Variants in DSCAM observed in about 807,000 individuals in gnomAD.
DSCAM encodes DS cell adhesion molecule, also known as cell adhesion molecule DSCAM.
DSCAM carries 47 observed loss-of-function variants against 217.7 expected under a neutral mutation model. The observed-to-expected ratio is 0.22, with a 90% CI of 0.17 to 0.28. The LOEUF (loss-of-function observed/expected upper bound fraction) is 0.28, where lower values mean the gene tolerates loss of function less well. DSCAM is among the 10% of genes least tolerant of loss of function. The pLI, the probability that DSCAM is intolerant of heterozygous loss-of-function variation, is 1.00. For synonymous variants in DSCAM, 1,056 were observed against 1,015.3 expected (o/e 1.04, Z -0.76); for missense variants, 2,080 against 2,618.3 (o/e 0.79, Z 4.49).
intron 1 of DSCAM, among the ~76,000 whole-genome samples, chr21:40,825,141 G>A (rs896341977): frequency 6.6e-6 from 1 of 152,280 alleles, no homozygotes; most frequent in East Asian, 1.9e-4. Flanking sequence ...CAAATATGGA[G>A]GGAGCAACTT....
chr21:40,716,103 C>G, intron 1 of DSCAM, among the ~76,000 whole-genome samples: 1 of 152,144 alleles, frequency 6.6e-6, no homozygotes, highest in Non-Finnish European at 1.5e-5. Flanking sequence ...GGATTACTGT[C>G]ACTTCTCCTT....
At chr21:40,212,868 G>C (rs1555890068) in intron 11 of DSCAM, among the ~76,000 whole-genome samples, 1 of 152,188 alleles carries the variant, frequency 6.6e-6, no homozygotes, top group African/African-American at 2.4e-5. Context: ...GACAGAAAAG[G>C]AGAAGGCACA....
intron 1 of DSCAM, among the ~76,000 whole-genome samples, chr21:40,801,376 A>G (rs753659388): frequency 2.0e-5 from 3 of 152,230 alleles, no homozygotes; most frequent in African/African-American, 4.8e-5. Context: ...TGAAAAGTTA[A>G]TAAGTGTGTT....
chr21:40,384,810 C>T (rs920903854), intron 3 of DSCAM: 1 of 152,180 alleles, frequency 6.6e-6, no homozygotes, highest in South Asian at 2.1e-4. Flanking sequence ...CTCCCCATGT[C>T]CTTCTCTGTC....
chr21:40,501,886 G>A (rs1280514555), intron 3 of DSCAM, among the ~76,000 whole-genome samples: 2 of 152,176 alleles, frequency 1.3e-5, no homozygotes, highest in Non-Finnish European at 2.9e-5. Flanking sequence ...GAGCCACAGC[G>A]CCGGCTAATG....
intron 9 of DSCAM, among the ~76,000 whole-genome samples, chr21:40,296,731 G>A (rs61349484): frequency 6.6e-6 from 1 of 150,956 alleles, no homozygotes; most frequent in Non-Finnish European, 1.5e-5. Flanking sequence ...CTCAGGAGGC[G>A]GAGGCTGGAG....
At chr21:40,035,626 G>C (rs568931348) in intron 32 of DSCAM, among the ~76,000 whole-genome samples, 14 of 147,200 alleles carry the variant, frequency 9.5e-5, no homozygotes, top group South Asian at 2.2e-4. Context: ...AGTCAACAAG[G>C]ATACCCAGGA....
chr21:40,146,696 C>T (rs1219369497), intron 16 of DSCAM, among the ~76,000 whole-genome samples: 5 of 152,134 alleles, frequency 3.3e-5, no homozygotes, highest in African/African-American at 9.7e-5. Context: ...GAAACAGTCG[C>T]GTAAACCATT....
At chr21:40,364,941 A>T (rs1397656792) in intron 4 of DSCAM, among the ~76,000 whole-genome samples, 5 of 150,360 alleles carry the variant, frequency 3.3e-5, no homozygotes, top group Non-Finnish European at 5.9e-5. Flanking sequence ...AGAATTATAA[A>T]AGAATTTCAT....
At chr21:40,523,236 G>A (rs193290795) in intron 3 of DSCAM, among the ~76,000 whole-genome samples, 5 of 152,236 alleles carry the variant, frequency 3.3e-5, no homozygotes, top group Admixed American at 1.3e-4. Context: ...CTGTGCCCAC[G>A]GACCTAGGTG....
intron 3 of DSCAM, among the ~76,000 whole-genome samples, chr21:40,546,535 G>A (rs544507564): frequency 8.5e-5 from 13 of 152,184 alleles, no homozygotes; most frequent in Non-Finnish European, 1.3e-4. Flanking sequence ...CAATACCTAT[G>A]CCACCAGCTA....
At chr21:40,683,256 A>C (rs2090434674) in intron 3 of DSCAM, among the ~76,000 whole-genome samples, 1 of 152,188 alleles carries the variant, frequency 6.6e-6, no homozygotes, top group Non-Finnish European at 1.5e-5. Flanking sequence ...TCAGAGAGAA[A>C]CTGGACCAGG....
At chr21:40,676,367 A>G (rs938248039) in intron 3 of DSCAM, among the ~76,000 whole-genome samples, 2 of 152,192 alleles carry the variant, frequency 1.3e-5, no homozygotes, top group Non-Finnish European at 2.9e-5. Context: ...GAGGTTCTGC[A>G]TGTTTTGCAT....
At chr21:40,377,317 C>T (rs557526763) in intron 3 of DSCAM, among the ~76,000 whole-genome samples, 7 of 152,238 alleles carry the variant, frequency 4.6e-5, no homozygotes, top group Admixed American at 1.3e-4. Flanking sequence ...GGCTCATGCC[C>T]TCACGCAAAT....
intron 9 of DSCAM, among the ~76,000 whole-genome samples, chr21:40,303,095 A>G (rs1362211956): frequency 6.6e-6 from 1 of 152,146 alleles, no homozygotes; most frequent in African/African-American, 2.4e-5. Context: ...GTGCATGGAT[A>G]AATACCACCA....
intron 18 of DSCAM, among the ~76,000 whole-genome samples, chr21:40,140,320 G>T (rs544005783): frequency 2.6e-5 from 4 of 152,264 alleles, no homozygotes; most frequent in East Asian, 3.9e-4. Context: ...TTAAAAAGCT[G>T]CATGCACACT....
At chr21:40,491,375 C>G (rs1482439207) in intron 3 of DSCAM, among the ~76,000 whole-genome samples, 3 of 152,048 alleles carry the variant, frequency 2.0e-5, no homozygotes, top group Admixed American at 2.0e-4. Context: ...TGCCACGATT[C>G]TCTTATTGTC....
intron 8 of DSCAM, among the ~76,000 whole-genome samples, chr21:40,330,503 TA>T (rs1265250697): frequency 6.6e-6 from 1 of 151,472 alleles, no homozygotes; most frequent in Non-Finnish European, 1.5e-5. Context: ...ATATCGCTTA[TA>T]AAACACTTAA....
At chr21:40,251,708 A>G (rs1393621314) in intron 11 of DSCAM, among the ~76,000 whole-genome samples, 1 of 152,184 alleles carries the variant, frequency 6.6e-6, no homozygotes, top group Non-Finnish European at 1.5e-5. Context: ...TCTTGAGTGT[A>G]GGTAGGTCCT....
Sources: gnomAD v4.1 joint callset for allele counts (sites outside exome capture counted in the v4.1 genomes callset) on GRCh38, gnomAD v4.1.1 for gene constraint, MANE v1.5 for transcripts, NCBI Gene and HGNC (gene_info 2026-07-23, HGNC 2026-07-21) for gene names.